The following ALX1 variants were observed in gnomAD, a reference collection of about 807,000 sequenced individuals.
ALX1 encodes the protein ALX homeobox protein 1.
A neutral mutation model predicts 31.7 loss-of-function variants in ALX1; 19 were observed. The ratio of observed to expected loss-of-function variants is 0.60; its 90% CI spans 0.42 to 0.88. The LOEUF (loss-of-function observed/expected upper bound fraction) is 0.88. Ranked by LOEUF, ALX1 falls within the 40% of genes least tolerant of loss-of-function variation. The pLI, the probability that ALX1 is intolerant of heterozygous loss-of-function variation, is 0.00. For synonymous variants in ALX1, 153 were observed against 148.8 expected (o/e 1.03, Z -0.20); for missense variants, 415 against 407.8 (o/e 1.02, Z -0.15).
chr12:85,292,487 G>A (rs964796304), intron 3 of ALX1, among the ~76,000 whole-genome samples: 2 of 150,896 alleles, frequency 1.3e-5, no homozygotes, highest in South Asian at 2.1e-4. Flanking sequence ...CTTGTCTTCC[G>A]TTGTATTATT....
Position 85,301,760 on chromosome 12 carries a change from T to C in ALX1, c.*285T>C, listed in dbSNP as rs1394996342. 1 of 416,846 alleles carries C rather than the reference T, an allele frequency of 2.4e-6. No individual in the cohort carries two copies. The highest frequency in any genetic ancestry group is 4.3e-6 in the Non-Finnish European group (1 of 233,392). The allele number at this position is 416,846 out of a possible 1,614,324, so 25.8% of individuals were successfully genotyped here. ...CAATGAAATATGATCACGCAACTTATTAAAGAATAAATGTGTTAAACAAAT... is the reference window on the plus strand; with the variant it reads ...CAATGAAATATGATCACGCAACTTACTAAAGAATAAATGTGTTAAACAAAT... On this transcript the variant is annotated 3_prime_UTR_variant, in exon 4 of 4. Coordinates refer to ENST00000316824, the MANE Select transcript of ALX1 (RefSeq NM_006982.3).
chr12:85,283,484 T>G, intron 1 of ALX1, 88 bp from the exon 2 acceptor site: 2 of 1,383,762 alleles, frequency 1.4e-6, no homozygotes, highest in Non-Finnish European at 2.0e-6. Context: ...GCCAATTTCT[T>G]GATACTCTCA....
intron 3 of ALX1, among the ~76,000 whole-genome samples, chr12:85,288,956 A>C (rs1385626028): frequency 6.6e-6 from 1 of 151,444 alleles, no homozygotes; most frequent in East Asian, 1.9e-4. Context: ...GAACTACTTG[A>C]CTGTGGTGAC....
At chr12:85,292,768 T>C (rs1437371148) in intron 3 of ALX1, among the ~76,000 whole-genome samples, 1 of 151,020 alleles carries the variant, frequency 6.6e-6, no homozygotes, top group Non-Finnish European at 1.5e-5. Context: ...TTAATCTTAA[T>C]GGTTGTCTTA....
intron 3 of ALX1, among the ~76,000 whole-genome samples, chr12:85,295,875 T>G (rs1896881275): frequency 6.6e-6 from 1 of 151,650 alleles, no homozygotes; most frequent in South Asian, 2.1e-4. Context: ...GTTTTGGAGA[T>G]GCTTTAAAAT....
At chr12:85,301,056 A>G (rs534183969) in intron 3 of ALX1, 99 bp from the exon 4 acceptor site, 2 of 1,337,032 alleles carry the variant, frequency 1.5e-6, no homozygotes, top group Non-Finnish European at 2.1e-6. Context: ...GGAGCAAACA[A>G]TGAATAGTTA....
chr12:85,281,650 G>A (rs567158949), intron 1 of ALX1, among the ~76,000 whole-genome samples: 1 of 151,814 alleles, frequency 6.6e-6, no homozygotes, highest in Admixed American at 6.6e-5. Context: ...TTTGACTAAG[G>A]GTAAATCAAA....
intron 2 of ALX1, among the ~76,000 whole-genome samples, chr12:85,284,737 A>G (rs1896725852): frequency 6.6e-6 from 1 of 152,084 alleles, no homozygotes; most frequent in African/African-American, 2.4e-5. Context: ...CTAGTTTCCA[A>G]GTAGTAAGAG....
chr12:85,283,260 GA>G (rs1325563963), intron 1 of ALX1, among the ~76,000 whole-genome samples: 1 of 152,138 alleles, frequency 6.6e-6, no homozygotes, highest in Non-Finnish European at 1.5e-5. Flanking sequence ...TTTCTTTCAT[GA>G]AACACCCAGA....
chr12:85,295,027 T>G (rs571346300), intron 3 of ALX1, among the ~76,000 whole-genome samples: 46 of 151,430 alleles, frequency 3.0e-4, no homozygotes, highest in African/African-American at 1.1e-3. Context: ...TATTTTTTGG[T>G]GAAAATTAGA....
At position 85,280,451 on chromosome 12, in the gene ALX1, C is replaced by A. The variant is rs145944049; in HGVS notation, c.190C>A (p.Arg64Ser). 4 of 1,611,820 alleles carry A rather than the reference C, an allele frequency of 2.5e-6. No homozygotes were observed. The highest frequency in any genetic ancestry group is 3.4e-6 in the Non-Finnish European group (4 of 1,180,004). Residue 64 changes from arginine (R) to serine (S), a missense_variant, in exon 1 of 4, where the codon CGC becomes AGC. Arg to Ser is a moderately radical substitution (Grantham distance 110, BLOSUM62 -1). Around this residue, in one of 3 missense-constraint regions of ALX1, gnomAD observed 235 missense variants for 208.9 expected, o/e 1.13. Coordinates refer to ENST00000316824, the MANE Select transcript of ALX1 (RefSeq NM_006982.3). ...GPLPRAEHHV[R>S]LERTSPCQDS... ...CCTGCCCCGCGCCGAGCATCACGTG[C>A]GCTTGGAGAGGACCTCGCCCTGTCA...
chr12:85,281,227 C>G (rs955632350), intron 1 of ALX1, among the ~76,000 whole-genome samples: 1 of 152,206 alleles, frequency 6.6e-6, no homozygotes, highest in African/African-American at 2.4e-5. Flanking sequence ...CATTAAAAGT[C>G]ACCTAAGGAG....
intron 3 of ALX1, among the ~76,000 whole-genome samples, chr12:85,296,811 G>A (rs1896894942): frequency 7.1e-6 from 1 of 141,708 alleles, no homozygotes; most frequent in Admixed American, 7.3e-5. Context: ...ATATTAAACA[G>A]AGGCCTACGA....
At chr12:85,300,741 AT>A (rs1896953526) in intron 3 of ALX1, among the ~76,000 whole-genome samples, 1 of 152,052 alleles carries the variant, frequency 6.6e-6, no homozygotes, top group Admixed American at 6.6e-5. Context: ...CCCAGTTAGA[AT>A]TTTTTTTAAA....
At chr12:85,296,271 A>G (rs936615983) in intron 3 of ALX1, among the ~76,000 whole-genome samples, 3 of 151,558 alleles carry the variant, frequency 2.0e-5, no homozygotes, top group African/African-American at 7.3e-5. Context: ...TTTATTACAA[A>G]TATATATCCA....
chr12:85,299,925 A>T lies in ALX1; in HGVS notation c.661-1230A>T, dbSNP rs559816985. On this transcript the variant is annotated intron_variant, in intron 3 of 3. Coordinates refer to ENST00000316824, the MANE Select transcript of ALX1 (RefSeq NM_006982.3). Reference sequence around the variant, plus strand: ...TACTCTTACATCATGATTTTAAAAGATAAGGAAACCTGATGTGATTAACAT... The same window carrying T: ...TACTCTTACATCATGATTTTAAAAGTTAAGGAAACCTGATGTGATTAACAT... 8.3e-3 allele frequency among the ~76,000 whole-genome samples: 1,262 copies of T among 152,056 alleles called. 9 individuals are homozygous for T. The highest frequency in any genetic ancestry group is 0.029 in the African/African-American group (1,208 of 41,508).
At chr12:85,283,447 A>T in intron 1 of ALX1, 125 bp from the exon 2 acceptor site, 2 of 949,028 alleles carry the variant, frequency 2.1e-6, no homozygotes, top group Non-Finnish European at 3.3e-6. Flanking sequence ...TAATTGAATT[A>T]ATACTAGCAC....
chr12:85,291,779 G>A (rs554194081), intron 3 of ALX1, among the ~76,000 whole-genome samples: 21 of 150,982 alleles, frequency 1.4e-4, no homozygotes, highest in Non-Finnish European at 3.0e-4. Context: ...AAGACTAAAT[G>A]GATTTCCGAA....
At chr12:85,293,358 A>G (rs1896844431) in intron 3 of ALX1, among the ~76,000 whole-genome samples, 3 of 150,360 alleles carry the variant, frequency 2.0e-5, no homozygotes, top group Admixed American at 1.3e-4. Flanking sequence ...TCTTTTCTTA[A>G]TTTTTATTTT....
Sources: gnomAD v4.1 joint callset for allele counts (sites outside exome capture counted in the v4.1 genomes callset) on GRCh38, gnomAD v4.1.1 for gene constraint, gnomAD v4.1.1 regional missense constraint, MANE v1.5 for transcripts, NCBI Gene and HGNC (gene_info 2026-07-23, HGNC 2026-07-21) for gene names.